Variants in DYM observed in about 807,000 individuals in gnomAD.
DYM encodes dyggve-Melchior-Clausen syndrome protein.
DYM carries 78 observed loss-of-function variants against 93.1 expected under a neutral mutation model. The ratio of observed to expected loss-of-function variants is 0.84; its 90% confidence interval spans 0.70 to 1.01. The LOEUF (loss-of-function observed/expected upper bound fraction) is 1.01, where lower values mean the gene tolerates loss of function less well. Ranked by LOEUF, DYM falls within the 50% of genes least tolerant of loss-of-function variation. The pLI, the probability that DYM is intolerant of heterozygous loss-of-function variation, is 0.00. For synonymous variants in DYM, 321 were observed against 319.7 expected (o/e 1.00, Z -0.04); for missense variants, 789 against 845.0 (o/e 0.93, Z 0.82).
chr18:49,395,827 G>T (rs2069999033), intron 2 of DYM, among the ~76,000 whole-genome samples: 1 of 152,104 alleles, frequency 6.6e-6, no homozygotes, highest in African/African-American at 2.4e-5. Context: ...AATGTTAGTA[G>T]GTGCTATAAT....
chr18:49,327,531 G>C (rs2062988941), intron 8 of DYM, among the ~76,000 whole-genome samples: 1 of 151,730 alleles, frequency 6.6e-6, no homozygotes, highest in South Asian at 2.1e-4. Flanking sequence ...TAATTTTTGT[G>C]TTTTTTATAG....
In DYM at chr18:49,336,764, G is replaced by C. The variant is rs183084532; in HGVS notation, c.495-2911C>G. ...GAAGCTTACAATTTAGTGGAAAAAA[G>C]AAAAATCAAATAATAATCACTCCAA... is the stretch of plus-strand genomic sequence containing the variant. On this transcript the variant is annotated intron_variant, in intron 6 of 17. Coordinates refer to ENST00000675505, the MANE Select transcript of DYM (RefSeq NM_001353214.3). 2.8e-3 allele frequency among the ~76,000 whole-genome samples: 423 copies of C among 151,782 alleles called. 1 individual carries two copies. The highest frequency in any genetic ancestry group is 6.8e-3 in the Middle Eastern group (2 of 294).
intron 17 of DYM, among the ~76,000 whole-genome samples, chr18:49,071,423 C>T (rs1183390859): frequency 6.6e-6 from 1 of 152,198 alleles, no homozygotes; most frequent in East Asian, 1.9e-4. Flanking sequence ...ACAATTGAAA[C>T]CACGGACACA....
At chr18:49,335,356 T>G (rs907986246) in intron 6 of DYM, among the ~76,000 whole-genome samples, 2 of 152,060 alleles carry the variant, frequency 1.3e-5, no homozygotes, top group African/African-American at 4.8e-5. Flanking sequence ...TCCCAGCTAC[T>G]CAGGAGGCTG....
At chr18:49,310,088 T>G (rs1012331282) in intron 8 of DYM, among the ~76,000 whole-genome samples, 6 of 152,190 alleles carry the variant, frequency 3.9e-5, no homozygotes, top group Admixed American at 3.3e-4. Context: ...ATTCACTATA[T>G]TGGATATACT....
At chr18:49,192,713 C>T (rs1372991112) in intron 14 of DYM, among the ~76,000 whole-genome samples, 2 of 151,678 alleles carry the variant, frequency 1.3e-5, no homozygotes, top group East Asian at 1.9e-4. Flanking sequence ...TAGTGTAATG[C>T]TCCAGCTTTG....
At chr18:49,359,041 G>A (rs2065805088) in intron 6 of DYM, among the ~76,000 whole-genome samples, 2 of 152,132 alleles carry the variant, frequency 1.3e-5, no homozygotes, top group African/African-American at 4.8e-5. Flanking sequence ...AGCCCTTATA[G>A]TAACACTACA....
At chr18:49,338,823 G>C (rs749634646) in intron 6 of DYM, among the ~76,000 whole-genome samples, 1 of 152,166 alleles carries the variant, frequency 6.6e-6, no homozygotes, top group Non-Finnish European at 1.5e-5. Context: ...CAATAAGTTT[G>C]TAACATAAGC....
intron 14 of DYM, among the ~76,000 whole-genome samples, chr18:49,203,871 TAAAAAAAAAAAAAA>T (rs71165370): frequency 3.1e-5 from 2 of 63,538 alleles, no homozygotes; most frequent in African/African-American, 5.8e-5. Flanking sequence ...TTTAAAAAAG[TAAAAAAAAAAAAAA>T]AAAAAAAAAA....
intron 6 of DYM, among the ~76,000 whole-genome samples, chr18:49,345,972 C>T (rs919979118): frequency 6.6e-6 from 1 of 152,130 alleles, no homozygotes; most frequent in African/African-American, 2.4e-5. Flanking sequence ...CATTATATAG[C>T]TTTTGAAGAA....
chr18:49,183,526 C>T (rs2090127234), intron 14 of DYM, among the ~76,000 whole-genome samples: 1 of 152,076 alleles, frequency 6.6e-6, no homozygotes, highest in Admixed American at 6.5e-5. Flanking sequence ...TTTCGATTCA[C>T]CCTTCAAAAT....
At chr18:49,236,951 G>T (rs541228101) in intron 13 of DYM, among the ~76,000 whole-genome samples, 9 of 152,278 alleles carry the variant, frequency 5.9e-5, no homozygotes, top group African/African-American at 2.2e-4. Flanking sequence ...CGAAGCTCAA[G>T]ACACACATCA....
intron 14 of DYM, among the ~76,000 whole-genome samples, chr18:49,184,395 A>G (rs1439257151): frequency 6.6e-6 from 1 of 152,168 alleles, no homozygotes; most frequent in East Asian, 1.9e-4. Flanking sequence ...TAATTATAAA[A>G]GAAAGCTCAA....
intron 14 of DYM, among the ~76,000 whole-genome samples, chr18:49,200,565 G>A (rs926645020): frequency 5.9e-5 from 9 of 151,490 alleles, no homozygotes; most frequent in Non-Finnish European, 4.4e-5. Flanking sequence ...CCATTGAGTT[G>A]ATAGGATATA....
intron 13 of DYM, among the ~76,000 whole-genome samples, chr18:49,235,769 G>A (rs1174891816): frequency 5.8e-4 from 11 of 19,042 alleles, no homozygotes. Flanking sequence ...ATATATCACT[G>A]TGAAAGAAAA....
chr18:49,096,900 A>G (rs2079595885), intron 17 of DYM, among the ~76,000 whole-genome samples: 1 of 152,156 alleles, frequency 6.6e-6, no homozygotes. Context: ...TTCCAGTTGT[A>G]TGGCTTTGGC....
intron 14 of DYM, among the ~76,000 whole-genome samples, chr18:49,188,900 T>G (rs753173884): frequency 6.6e-6 from 1 of 152,188 alleles, no homozygotes; most frequent in Non-Finnish European, 1.5e-5. Context: ...ACAGCACTAT[T>G]TATAATAGCA....
chr18:49,087,852 C>T (rs968328180), intron 17 of DYM, among the ~76,000 whole-genome samples: 2 of 152,086 alleles, frequency 1.3e-5, no homozygotes, highest in Non-Finnish European at 2.9e-5. Flanking sequence ...TTTTGATTTG[C>T]ATTTCTCTGA....
intron 13 of DYM, among the ~76,000 whole-genome samples, chr18:49,218,496 T>C (rs1200054268): frequency 2.0e-5 from 3 of 152,142 alleles, no homozygotes; most frequent in Admixed American, 1.3e-4. Flanking sequence ...ATTGACCACA[T>C]AGTTGGAAGT....
Sources: gnomAD v4.1 joint callset for allele counts (sites outside exome capture counted in the v4.1 genomes callset) on GRCh38, gnomAD v4.1.1 for gene constraint, MANE v1.5 for transcripts, NCBI Gene and HGNC (gene_info 2026-07-23, HGNC 2026-07-21) for gene names.